The following PHACTR3 variants were observed in gnomAD, a reference collection of about 807,000 sequenced individuals.
PHACTR3 encodes the protein protein phosphatase 1, regulatory subunit 123.
Under a neutral mutation model 66.8 loss-of-function variants are expected in PHACTR3, and 16 were observed. That is an observed-to-expected ratio of 0.24 (90% CI 0.16 to 0.36). The LOEUF is 0.36. PHACTR3 is among the 10% of genes least tolerant of loss of function. The pLI is 1.00. For missense variants in PHACTR3, 647 were observed against 719.9 expected, an observed-to-expected ratio of 0.90 and a Z score of 1.16; for synonymous variants, 323 against 292.1, an observed-to-expected ratio of 1.11 and a Z score of -1.08.
intron 9 of PHACTR3, among the ~76,000 whole-genome samples, chr20:59,839,800 G>A (rs560530528): frequency 1.4e-4 from 22 of 152,254 alleles, no homozygotes; most frequent in African/African-American, 5.1e-4. Context: ...AGTCAGCGAG[G>A]TTCATAGATG....
intron 1 of PHACTR3, among the ~76,000 whole-genome samples, chr20:59,672,263 T>C (rs1424642336): frequency 1.3e-5 from 2 of 152,246 alleles, no homozygotes; most frequent in African/African-American, 2.4e-5. Flanking sequence ...TGCGCATCCC[T>C]GCGTTGGAGT....
chr20:59,630,607 C>T (rs1283611107), intron 1 of PHACTR3, among the ~76,000 whole-genome samples: 2 of 152,172 alleles, frequency 1.3e-5, no homozygotes, highest in African/African-American at 2.4e-5. Context: ...GAGCAACATC[C>T]ATAAGAGTGG....
chr20:59,845,473 T>G (rs2059131100), intron 12 of PHACTR3, among the ~76,000 whole-genome samples: 1 of 152,122 alleles, frequency 6.6e-6, no homozygotes, highest in Admixed American at 6.6e-5. Context: ...ATATGTATGG[T>G]AACAATATCG....
chr20:59,619,759 C>T, intron 1 of PHACTR3, among the ~76,000 whole-genome samples: 1 of 152,136 alleles, frequency 6.6e-6, no homozygotes, highest in Non-Finnish European at 1.5e-5. Context: ...TTATTGCTTC[C>T]ATATTACAGG....
chr20:59,824,488 C>T (rs2042129320), intron 8 of PHACTR3, among the ~76,000 whole-genome samples: 1 of 152,196 alleles, frequency 6.6e-6, no homozygotes, highest in Non-Finnish European at 1.5e-5. Context: ...GGAGAGCCTT[C>T]CACATAAGGG....
At chr20:59,756,317 G>A (rs976308987) in intron 4 of PHACTR3, among the ~76,000 whole-genome samples, 3 of 152,180 alleles carry the variant, frequency 2.0e-5, no homozygotes, top group Non-Finnish European at 2.9e-5. Context: ...AGGTGAACGC[G>A]TCTCTCCGTG....
At position 59,828,842 on chromosome 20, in the gene PHACTR3, T is replaced by C. The variant is rs191460454; in HGVS notation, c.1329-7663T>C. Among the ~76,000 whole-genome samples the C allele has an allele frequency of 5.6e-4, 85 of 152,148 alleles. 1 individual carries two copies. The highest frequency in any genetic ancestry group is 9.8e-4 in the Admixed American group (15 of 15,282). On this transcript the variant is annotated intron_variant, in intron 8 of 12. Transcript: ENST00000371015. ...ATCGTGGGAGTAGGAGTTAGAGTTA[T>C]GCTGCTGTGGGCAGGGAGGTGGACA... is the stretch of plus-strand genomic sequence containing the variant.
chr20:59,581,490 CAT>C (rs1444036665), intron 1 of PHACTR3, among the ~76,000 whole-genome samples: 4 of 152,210 alleles, frequency 2.6e-5, no homozygotes, highest in Non-Finnish European at 4.4e-5. Flanking sequence ...GCTGTCACCC[CAT>C]TACTTTAAGG....
At chr20:59,770,253 G>C (rs1319833768) in intron 5 of PHACTR3, among the ~76,000 whole-genome samples, 4 of 152,236 alleles carry the variant, frequency 2.6e-5, no homozygotes, top group African/African-American at 9.7e-5. Context: ...ATTGAGACTG[G>C]GAGGTGGAGG....
intron 8 of PHACTR3, among the ~76,000 whole-genome samples, chr20:59,819,550 A>G (rs2041974575): frequency 6.6e-6 from 1 of 151,788 alleles, no homozygotes; most frequent in African/African-American, 2.4e-5. Context: ...AAAAAAAAAA[A>G]AAAGAAAACA....
intron 1 of PHACTR3, among the ~76,000 whole-genome samples, chr20:59,624,491 C>A (rs1479130617): frequency 6.6e-6 from 1 of 152,166 alleles, no homozygotes; most frequent in Non-Finnish European, 1.5e-5. Flanking sequence ...GCCGCTGATG[C>A]TGCTGATCTG....
intron 8 of PHACTR3, among the ~76,000 whole-genome samples, chr20:59,810,815 C>T (rs1767845): frequency 9.9e-5 from 15 of 151,820 alleles, no homozygotes; most frequent in Non-Finnish European, 2.1e-4. Context: ...TGTAGGAGCT[C>T]AGCTTACCTT....
intron 7 of PHACTR3, among the ~76,000 whole-genome samples, chr20:59,780,881 G>A (rs115179440): frequency 4.6e-5 from 7 of 152,308 alleles, no homozygotes; most frequent in African/African-American, 1.4e-4. Flanking sequence ...GTCAACAGGG[G>A]TGCTCACCGA....
intron 1 of PHACTR3, among the ~76,000 whole-genome samples, chr20:59,582,229 G>A (rs1306619251): frequency 1.3e-5 from 2 of 152,192 alleles, no homozygotes; most frequent in Non-Finnish European, 2.9e-5. Context: ...GCATCACACA[G>A]CACTTCTCGC....
chr20:59,697,110 T>C lies in PHACTR3; in HGVS notation c.119-45997T>C, dbSNP rs114741781. Among the ~76,000 whole-genome samples, 712 of 152,244 alleles carry C rather than the reference T, an allele frequency of 4.7e-3. 12 individuals carry two copies. Among genetic ancestry groups the C allele is most frequent in the African/African-American group, 0.016 (677 of 41,534 alleles). ...CCCTTTAATTCTCCCTAGGACTCTATGAGGTAAGGACTGCCCCACTTACCA... is the reference window on the plus strand; with the variant it reads ...CCCTTTAATTCTCCCTAGGACTCTACGAGGTAAGGACTGCCCCACTTACCA... On this transcript the variant is annotated intron_variant, in intron 1 of 12. Coordinates refer to ENST00000371015, the MANE Select transcript of PHACTR3 (RefSeq NM_080672.5).
intron 1 of PHACTR3, among the ~76,000 whole-genome samples, chr20:59,606,820 C>G (rs557855224): frequency 6.6e-6 from 1 of 152,132 alleles, no homozygotes; most frequent in Admixed American, 6.5e-5. Flanking sequence ...TTAAGTTATG[C>G]GTGGGAGGGC....
At chr20:59,834,300 G>C (rs1319682964) in intron 8 of PHACTR3, among the ~76,000 whole-genome samples, 1 of 152,210 alleles carries the variant, frequency 6.6e-6, no homozygotes, top group East Asian at 1.9e-4. Flanking sequence ...ATGGGGGCCA[G>C]GAATCTGGCT....
At chr20:59,814,613 C>G (rs569639285) in intron 8 of PHACTR3, among the ~76,000 whole-genome samples, 2 of 152,192 alleles carry the variant, frequency 1.3e-5, no homozygotes, top group Non-Finnish European at 2.9e-5. Flanking sequence ...TTTATACGGT[C>G]CTGTACTTCC....
At chr20:59,592,074 TG>T (rs1285718243) in intron 1 of PHACTR3, among the ~76,000 whole-genome samples, 16 of 152,126 alleles carry the variant, frequency 1.1e-4, no homozygotes, top group Non-Finnish European at 1.8e-4. Context: ...ATTCCCATTC[TG>T]TGTATGCTCC....
Sources: allele counts gnomAD v4.1 joint callset (sites outside exome capture counted in the v4.1 genomes callset), GRCh38; gene constraint gnomAD v4.1.1; transcripts MANE v1.5; gene names NCBI Gene and HGNC (gene_info 2026-07-23, HGNC 2026-07-21).